LONP2: variants seen among roughly 807,000 people sequenced by gnomAD.
LONP2 encodes the protein lon peptidase 2, peroxisomal.
LONP2 carries 60 observed loss-of-function variants against 85.6 expected under a neutral mutation model. That is an observed-to-expected ratio of 0.70 (90% confidence interval 0.57 to 0.87). The LOEUF is 0.87. LONP2 is among the 40% of genes least tolerant of loss of function. The probability of loss-of-function intolerance (pLI) is 0.00; values close to 1 mark genes in which losing one functional copy is unlikely to be tolerated. For synonymous variants in LONP2, 395 were observed against 389.7 expected (o/e 1.01, Z -0.16); for missense variants, 860 against 1,063.5 (o/e 0.81, Z 2.66).
intron 1 of LONP2, among the ~76,000 whole-genome samples, chr16:48,249,726 A>G (rs1971580591): frequency 6.6e-6 from 1 of 152,086 alleles, no homozygotes; most frequent in Non-Finnish European, 1.5e-5. Context: ...AAAAAGAAAA[A>G]AAAATTTTTT....
rs1383200815 is a variant in LONP2, at chr16:48,307,366, TTTGCCTGCC to T, written c.1795+4064_1795+4072del. Among the ~76,000 whole-genome samples the T allele has an allele frequency of 5.3e-5, 8 of 152,338 alleles. 2 individuals carry two copies. In the Middle Eastern group the frequency reaches 0.024, roughly 453 times the overall value. On this transcript the variant is annotated intron_variant, in intron 11 of 14. Coordinates refer to ENST00000285737, the MANE Select transcript of LONP2 (RefSeq NM_031490.5). ...ACATGACTACAGTTTTATTCTGCTT[TTTGCCTGCC>T]TTTTGCCAAGAAAGACACAAATGTC...
chr16:48,314,186 G>A (rs1186782063), intron 11 of LONP2, among the ~76,000 whole-genome samples: 1 of 151,382 alleles, frequency 6.6e-6, no homozygotes, highest in Admixed American at 6.6e-5. Context: ...TGTGTTCCTG[G>A]TAGACTCTAG....
At chr16:48,295,381 A>G (rs1265217642) in intron 8 of LONP2, among the ~76,000 whole-genome samples, 1 of 152,204 alleles carries the variant, frequency 6.6e-6, no homozygotes, top group Non-Finnish European at 1.5e-5. Flanking sequence ...CAAGAAAAAA[A>G]GAGTTATTGA....
chr16:48,281,747 A>G (rs1972332741), intron 8 of LONP2, among the ~76,000 whole-genome samples: 1 of 152,224 alleles, frequency 6.6e-6, no homozygotes, highest in Non-Finnish European at 1.5e-5. Flanking sequence ...TAGTCTAGAT[A>G]TAGTAAACTT....
At chr16:48,338,864 C>G (rs187954710) in intron 12 of LONP2, among the ~76,000 whole-genome samples, 2 of 152,000 alleles carry the variant, frequency 1.3e-5, no homozygotes, top group Admixed American at 1.3e-4. Flanking sequence ...GCCAAGATCA[C>G]GCCACTGCAT....
At position 48,296,106 on chromosome 16, in the gene LONP2, A is replaced by G; in HGVS notation, c.1475A>G (p.Asn492Ser). 3 of 1,614,188 alleles carry G rather than the reference A, an allele frequency of 1.9e-6. No homozygotes were observed. Among genetic ancestry groups the G allele is most frequent in the Non-Finnish European group, 2.5e-6 (3 of 1,180,016 alleles). ...CAAGTTCTTTTTATAGCTACTGCCA[A>G]CACCACTGCTACCATTCCAGCTGCC... ...LSQVLFIATA[N>S]TTATIPAALL... The change falls in exon 9 of 15, where the codon AAC becomes AGC. Residue 492 changes from asparagine (N) to serine (S), a missense_variant. Asn to Ser is a conservative substitution (Grantham distance 46, BLOSUM62 1). Around this residue, in one of 3 missense-constraint regions of LONP2, gnomAD observed 743 missense variants for 917.3 expected, o/e 0.81. Coordinates refer to ENST00000285737, the MANE Select transcript of LONP2 (RefSeq NM_031490.5).
At chr16:48,346,496 T>C (rs944111407) in intron 12 of LONP2, among the ~76,000 whole-genome samples, 24 of 152,174 alleles carry the variant, frequency 1.6e-4, no homozygotes, top group Non-Finnish European at 3.2e-4. Flanking sequence ...TCTCATCCCA[T>C]GGGAAGGAAC....
chr16:48,339,193 G>C (rs1353910983), intron 12 of LONP2, among the ~76,000 whole-genome samples: 2 of 152,196 alleles, frequency 1.3e-5, no homozygotes, highest in African/African-American at 2.4e-5. Context: ...AACAGAAAGG[G>C]ACTGGGAAGG....
intron 10 of LONP2, 52 bp from the exon 11 acceptor site, chr16:48,303,120 A>AT (rs1213173236): frequency 3.1e-6 from 5 of 1,588,262 alleles, no homozygotes; most frequent in South Asian, 1.1e-5. Flanking sequence ...TTACCTCTCT[A>AT]TTTTTTTAAG....
intron 2 of LONP2, among the ~76,000 whole-genome samples, chr16:48,255,273 T>C (rs185031582): frequency 2.0e-5 from 3 of 152,260 alleles, no homozygotes; most frequent in Non-Finnish European, 4.4e-5. Context: ...TCTAAAGACA[T>C]GCTTCCCTTA....
At chr16:48,277,759 T>A (rs1357388547) in intron 8 of LONP2, among the ~76,000 whole-genome samples, 4 of 152,002 alleles carry the variant, frequency 2.6e-5, no homozygotes, top group Admixed American at 2.0e-4. Context: ...TTCTACACAG[T>A]TATGGCAAAA....
At chr16:48,248,537 G>A (rs1037270494) in intron 1 of LONP2, among the ~76,000 whole-genome samples, 2 of 152,210 alleles carry the variant, frequency 1.3e-5, no homozygotes, top group African/African-American at 4.8e-5. Flanking sequence ...TTTTGAAACT[G>A]CAAAGCATTC....
intron 10 of LONP2, 142 bp downstream of exon 10, chr16:48,299,930 T>A (rs1026883694): frequency 2.6e-6 from 2 of 783,120 alleles, no homozygotes; most frequent in African/African-American, 1.8e-5. Context: ...GAGATTAGTT[T>A]ATTGGCATCC....
intron 2 of LONP2, among the ~76,000 whole-genome samples, chr16:48,253,082 T>C (rs992387624): frequency 2.6e-5 from 4 of 152,184 alleles, no homozygotes; most frequent in Non-Finnish European, 4.4e-5. Flanking sequence ...CATTGAAATA[T>C]GTGTGGGGCA....
At chr16:48,326,166 A>G (rs568759628) in intron 11 of LONP2, among the ~76,000 whole-genome samples, 1 of 152,342 alleles carries the variant, frequency 6.6e-6, no homozygotes, top group African/African-American at 2.4e-5. Context: ...GAATTCTGCT[A>G]AGCATCAGAA....
chr16:48,351,779 G>C lies in LONP2; in HGVS notation c.2536G>C (p.Gly846Arg). ...DGGFTVKTRP[G>R]LLNSKL ...TGGCTTTACTGTCAAGACCAGACCT[G>C]GTCTGTTAAATAGCAAACTGTAGGT... The change falls in exon 15 of 15, where the codon GGT becomes CGT. Residue 846 changes from glycine (G) to arginine (R), a missense_variant. Gly to Arg is a moderately radical substitution (Grantham distance 125). Coordinates refer to ENST00000285737, the MANE Select transcript of LONP2 (RefSeq NM_031490.5). 1.2e-6 allele frequency: 2 copies of C among 1,614,002 alleles called. No homozygotes were observed. Among genetic ancestry groups the C allele is most frequent in the Non-Finnish European group, 8.5e-7 (1 of 1,179,982 alleles).
chr16:48,340,281 G>A (rs990345446), intron 12 of LONP2, among the ~76,000 whole-genome samples: 3 of 152,144 alleles, frequency 2.0e-5, no homozygotes, highest in Admixed American at 6.5e-5. Flanking sequence ...GCATGTGCAC[G>A]TTATCACAGA....
At position 48,299,707 on chromosome 16, in the gene LONP2, T is replaced by G. The variant is rs775774863; in HGVS notation, c.1580T>G (p.Ile527Ser). The G allele has an allele frequency of 2.5e-6, 4 of 1,613,776 alleles. No individual in the cohort carries two copies. The highest frequency in any genetic ancestry group is 3.4e-6 in the Non-Finnish European group (4 of 1,179,900). Reference sequence around the variant, plus strand: ...ATAGAGATTGCCCATAGGCACTTGATCCCCAAGCAGCTGGAACAACATGGG... The same window carrying G: ...ATAGAGATTGCCCATAGGCACTTGAGCCCCAAGCAGCTGGAACAACATGGG... ...EKIEIAHRHL[I>S]PKQLEQHGLT... The change falls in exon 10 of 15, where the codon ATC (isoleucine) becomes AGC (serine). Residue 527 changes from isoleucine to serine, a missense_variant. Physicochemically the swap from Ile to Ser is moderately radical, Grantham distance 142. Around this residue, in one of 3 missense-constraint regions of LONP2, gnomAD observed 743 missense variants for 917.3 expected, o/e 0.81. Transcript: ENST00000285737.
At chr16:48,272,014 G>A (rs781709669) in intron 7 of LONP2, among the ~76,000 whole-genome samples, 2 of 152,132 alleles carry the variant, frequency 1.3e-5, no homozygotes, top group Non-Finnish European at 1.5e-5. Context: ...GAGTGAGTTC[G>A]TGGAATTAAT....
Sources: gnomAD v4.1 joint callset for allele counts (sites outside exome capture counted in the v4.1 genomes callset) on GRCh38, gnomAD v4.1.1 for gene constraint, gnomAD v4.1.1 regional missense constraint, MANE v1.5 for transcripts, NCBI Gene and HGNC (gene_info 2026-07-23, HGNC 2026-07-21) for gene names.